Variants in MDM2 observed in about 807,000 individuals in gnomAD.
The protein encoded by MDM2 is E3 ubiquitin-protein ligase Mdm2.
In MDM2, 11 loss-of-function variants were observed where a neutral mutation model predicts 64.3. That is an observed-to-expected ratio of 0.17 (90% CI 0.11 to 0.28). MDM2 has a LOEUF of 0.28. Among genes scored for constraint, MDM2 ranks in the 10% least tolerant of loss-of-function variants. The pLI is 1.00. For synonymous variants in MDM2, 194 were observed against 192.9 expected (o/e 1.01, Z -0.05); for missense variants, 388 against 577.1 (o/e 0.67, Z 3.36).
intron 2 of MDM2, among the ~76,000 whole-genome samples, chr12:68,811,409 T>C (rs191951514): frequency 1.3e-5 from 2 of 152,282 alleles, no homozygotes; most frequent in Admixed American, 1.3e-4. Context: ...AGAACTCTCC[T>C]GTCCCAAGAT....
At position 68,839,640 on chromosome 12, in the gene MDM2, G is replaced by C. The variant is rs2136179058; in HGVS notation, c.1285G>C (p.Glu429Gln). The change falls in exon 11 of 11, where the codon GAA becomes CAA. Residue 429 changes from glutamate (E) to glutamine (Q), a missense_variant. Coordinates refer to ENST00000258149, the MANE Select transcript of MDM2 (RefSeq NM_002392.6). Reference protein sequence around the residue: ...EFEREETQDKEESVESSLPLN... With the variant: ...EFEREETQDKQESVESSLPLN... ...TGAAAGGGAAGAAACCCAAGACAAA[G>C]AAGAGAGTGTGGAATCTAGTTTGCC... 2 of 1,613,788 alleles carry C rather than the reference G, an allele frequency of 1.2e-6. No homozygotes were observed. The highest frequency in any genetic ancestry group is 8.5e-7 in the Non-Finnish European group (1 of 1,180,000).
At chr12:68,824,321 C>T (rs1882118128) in intron 5 of MDM2, 42 bp from the exon 6 acceptor site, 1 of 1,523,928 alleles carries the variant, frequency 6.6e-7, no homozygotes, top group Non-Finnish European at 9.1e-7. Flanking sequence ...CCGCCGCCCC[C>T]CGCCCACCAC....
chr12:68,824,324 C>T (rs1465729753), intron 5 of MDM2, 39 bp from the exon 6 acceptor site: 5 of 1,558,150 alleles, frequency 3.2e-6, no homozygotes, highest in South Asian at 1.1e-5. Context: ...CCGCCCCCCG[C>T]CCACCACCAA....
intron 4 of MDM2, among the ~76,000 whole-genome samples, chr12:68,817,978 G>C (rs568727776): frequency 2.6e-5 from 4 of 151,962 alleles, no homozygotes; most frequent in African/African-American, 9.6e-5. Flanking sequence ...ATTTTTAGTA[G>C]AGACAGGGTT....
chr12:68,815,362 G>A (rs377646157), intron 3 of MDM2, among the ~76,000 whole-genome samples: 14 of 151,014 alleles, frequency 9.3e-5, no homozygotes, highest in East Asian at 5.9e-4. Flanking sequence ...CAGGAAGGTA[G>A]TGAAAGCTAG....
intron 7 of MDM2, among the ~76,000 whole-genome samples, chr12:68,826,992 C>A (rs931618922): frequency 2.0e-5 from 3 of 151,980 alleles, no homozygotes; most frequent in Admixed American, 2.0e-4. Flanking sequence ...CTGGCTAACA[C>A]GGTGAAACCC....
chr12:68,810,969 G>A (rs1282117645), intron 2 of MDM2, among the ~76,000 whole-genome samples: 8 of 151,708 alleles, frequency 5.3e-5, no homozygotes, highest in African/African-American at 1.9e-4. Flanking sequence ...GGGTTCAAGC[G>A]ATTCTCTTGC....
chr12:68,820,572 T>C (rs555674547), intron 5 of MDM2, among the ~76,000 whole-genome samples, 198 bp downstream of exon 5: 49 of 152,198 alleles, frequency 3.2e-4, no homozygotes, highest in Non-Finnish European at 6.5e-4. Context: ...AAGTTAAATA[T>C]CCTGTTAGAT....
At position 68,836,713 on chromosome 12, in the gene MDM2, A is replaced by C. The variant is rs747447453; in HGVS notation, c.882A>C (p.Thr294=). 1.2e-6 allele frequency: 2 copies of C among 1,612,292 alleles called. No homozygotes were observed. The highest frequency in any genetic ancestry group is 2.2e-5 in the South Asian group (2 of 91,040). The change falls in exon 10 of 11, where the codon ACA becomes ACC. Residue 294 remains threonine (T), a synonymous_variant. Transcript: ENST00000258149. ...VTVYQAGESD[T]DSFEEDPEIS... ...TGTATCAGGCAGGGGAGAGTGATAC[A>C]GATTCATTTGAAGAAGATCCTGAAA...
At chr12:68,815,090 C>A (rs1881235586) in intron 3 of MDM2, among the ~76,000 whole-genome samples, 1 of 152,196 alleles carries the variant, frequency 6.6e-6, no homozygotes, top group African/African-American at 2.4e-5. Flanking sequence ...CCGATGCCTG[C>A]TTAGCCAGTT....
chr12:68,818,639 T>C (rs1192617808), intron 4 of MDM2, among the ~76,000 whole-genome samples: 1 of 149,808 alleles, frequency 6.7e-6, no homozygotes, highest in African/African-American at 2.4e-5. Flanking sequence ...CTGTTTAATA[T>C]CCATATATGT....
At chr12:68,808,543 C>T (rs775827390) in intron 1 of MDM2, 52 bp downstream of exon 1, 2 of 1,612,376 alleles carry the variant, frequency 1.2e-6, no homozygotes, top group South Asian at 1.1e-5. Context: ...CTGACGGTGT[C>T]CCCTCTATCG....
rs142796536 is a variant in MDM2 at position 68,829,039 on chromosome 12, A to G, written c.684+108A>G. The G allele has an allele frequency of 1.7e-4, 182 of 1,088,992 alleles. 1 individual carries two copies. The African/African-American group carries it at 2.6e-3, about 15-fold the overall frequency. The allele number at this position is 1,088,992 out of a possible 1,614,324, so 67.5% of individuals were successfully genotyped here. On this transcript the variant is annotated intron_variant, in intron 8 of 10. Transcript: ENST00000258149. Reference sequence around the variant, plus strand: ...TGTACATGTGTCTTACGAGATTGATAGAAAACACAGTGCTAAATTTTACTT... The same window carrying G: ...TGTACATGTGTCTTACGAGATTGATGGAAAACACAGTGCTAAATTTTACTT...
At chr12:68,814,100 TGGAGTGCAG>T (rs1372125213) in intron 3 of MDM2, among the ~76,000 whole-genome samples, 1 of 152,270 alleles carries the variant, frequency 6.6e-6, no homozygotes, top group Non-Finnish European at 1.5e-5. Context: ...TCACCCAAGC[TGGAGTGCAG>T]TGGCACGATC....
At chr12:68,833,571 C>T (rs1883077066) in intron 8 of MDM2, among the ~76,000 whole-genome samples, 1 of 150,830 alleles carries the variant, frequency 6.6e-6, no homozygotes. Context: ...TTTATAGTAT[C>T]CTAGGACAGG....
chr12:68,822,551 G>A (rs956797721), intron 5 of MDM2, among the ~76,000 whole-genome samples: 1 of 152,056 alleles, frequency 6.6e-6, no homozygotes, highest in African/African-American at 2.4e-5. Context: ...ATTTGTAGTA[G>A]TAGTTTGAGT....
At chr12:68,814,608 C>A (rs1183669888) in intron 3 of MDM2, 3 of 409,328 alleles carry the variant, frequency 7.3e-6, no homozygotes, top group South Asian at 5.3e-5. Context: ...CCAAGGACTT[C>A]TTGGGCATCC....
rs2136193349 is a variant in MDM2 at position 68,845,192 on chromosome 12, G to C, written c.*5343G>C. The stretch of plus-strand genomic sequence containing the variant: ...ATGGGTGGATGCTGAATTACATTTT[G>C]ATTTGATACTTATAAAAAGAAAAAG... On this transcript the variant is annotated 3_prime_UTR_variant, in exon 11 of 11. Transcript: ENST00000258149. The C allele has an allele frequency of 4.8e-6, 1 of 208,166 alleles. No individual in the cohort carries two copies. The highest frequency in any genetic ancestry group is 6.0e-5 in the Admixed American group (1 of 16,536). The allele number at this position is 208,166 out of a possible 1,614,324, so 12.9% of individuals were successfully genotyped here. A position where few individuals can be genotyped will look rare whatever the true frequency, so the allele number is the denominator to read the frequency against.
chr12:68,835,760 GA>G, intron 8 of MDM2, 68 bp from the exon 9 acceptor site: 1 of 1,435,968 alleles, frequency 7.0e-7, no homozygotes, highest in Non-Finnish European at 9.4e-7. Context: ...GCACAGGGAT[GA>G]GTTAGGAAAC....
Sources: gnomAD v4.1 joint callset for allele counts (sites outside exome capture counted in the v4.1 genomes callset) on GRCh38, gnomAD v4.1.1 for gene constraint, MANE v1.5 for transcripts, NCBI Gene and HGNC (gene_info 2026-07-23, HGNC 2026-07-21) for gene names.